The following LRMDA variants were observed in gnomAD, a reference collection of about 807,000 sequenced individuals.
LRMDA encodes leucine rich melanocyte differentiation associated, also known as leucine-rich melanocyte differentiation-associated protein.
Under a neutral mutation model 29.8 loss-of-function variants are expected in LRMDA, and 18 were observed. The ratio of observed to expected loss-of-function variants is 0.60; its 90% CI spans 0.42 to 0.90. The LOEUF (loss-of-function observed/expected upper bound fraction) is 0.90, where lower values mean the gene tolerates loss of function less well. Ranked by LOEUF, LRMDA falls within the 40% of genes least tolerant of loss-of-function variation. The pLI, the probability that LRMDA is intolerant of heterozygous loss-of-function variation, is 0.00. For synonymous variants in LRMDA, 125 were observed against 109.4 expected (o/e 1.14, Z -0.89); for missense variants, 273 against 273.9 (o/e 1.00, Z 0.02).
At chr10:76,251,251 T>C (rs1852476698) in intron 5 of LRMDA, among the ~76,000 whole-genome samples, 1 of 45,866 alleles carries the variant, frequency 2.2e-5, no homozygotes, top group Admixed American at 2.2e-4. Flanking sequence ...TTTTTTTTTT[T>C]TTTTTTTTTT....
chr10:76,074,812 T>C lies in LRMDA; in HGVS notation c.516+16029T>C, dbSNP rs1455569691. ...AAAGAATATTGGTTGAGGAGCTACA[T>C]GTATTAGTCAGGGGAAACTAACTGC... is the stretch of plus-strand genomic sequence containing the variant. On this transcript the variant is annotated intron_variant, in intron 5 of 6. Transcript: ENST00000611255. 2.6e-5 allele frequency among the ~76,000 whole-genome samples: 4 copies of C among 152,298 alleles called. No individual in the cohort carries two copies. In the East Asian group the frequency reaches 7.7e-4, roughly 29 times the overall value.
intron 2 of LRMDA, among the ~76,000 whole-genome samples, chr10:75,583,002 TC>T (rs1840613268): frequency 6.6e-6 from 1 of 152,208 alleles, no homozygotes; most frequent in African/African-American, 2.4e-5. Flanking sequence ...AATAAGTTTC[TC>T]ATTTCCACCT....
At chr10:76,275,931 T>C (rs773599313) in intron 5 of LRMDA, among the ~76,000 whole-genome samples, 4 of 152,140 alleles carry the variant, frequency 2.6e-5, no homozygotes, top group Non-Finnish European at 4.4e-5. Flanking sequence ...GGTTGGATAA[T>C]TTATTTTTAT....
chr10:76,221,624 C>G (rs1851839779), intron 5 of LRMDA, among the ~76,000 whole-genome samples: 1 of 152,158 alleles, frequency 6.6e-6, no homozygotes, highest in South Asian at 2.1e-4. Flanking sequence ...AAAGAGGATA[C>G]AAACAAATGG....
intron 5 of LRMDA, among the ~76,000 whole-genome samples, chr10:76,194,822 CA>C (rs1298739592): frequency 2.6e-5 from 4 of 152,312 alleles, no homozygotes; most frequent in South Asian, 2.1e-4. Flanking sequence ...AATACTCTAT[CA>C]AACAAAGTCA....
chr10:75,728,173 G>C (rs1842652300), intron 2 of LRMDA, among the ~76,000 whole-genome samples: 1 of 152,138 alleles, frequency 6.6e-6, no homozygotes, highest in Non-Finnish European at 1.5e-5. Flanking sequence ...TAGAAATGTT[G>C]GTTTGACTGC....
chr10:76,292,834 G>A (rs756510543), intron 5 of LRMDA, among the ~76,000 whole-genome samples: 1 of 152,038 alleles, frequency 6.6e-6, no homozygotes, highest in Non-Finnish European at 1.5e-5. Flanking sequence ...TCCCAATTGG[G>A]CATTAAGATG....
At position 75,634,412 on chromosome 10, in the gene LRMDA, C is replaced by A. The variant is rs554656256; in HGVS notation, c.131+195918C>A. On this transcript the variant is annotated intron_variant, in intron 2 of 6. Coordinates refer to ENST00000611255, the MANE Select transcript of LRMDA (RefSeq NM_001305581.2). ...AACTGGAGGTTTCACCTGCCTCCCC[C>A]CAAAATCCTTATCTCTGACTTCTTT... Among the ~76,000 whole-genome samples, 31 of 152,312 alleles carry A rather than the reference C, an allele frequency of 2.0e-4. 1 individual carries two copies. In the South Asian group the frequency reaches 6.2e-3, roughly 31 times the overall value.
At chr10:75,598,659 T>G (rs1840835487) in intron 2 of LRMDA, among the ~76,000 whole-genome samples, 1 of 152,198 alleles carries the variant, frequency 6.6e-6, no homozygotes, top group African/African-American at 2.4e-5. Context: ...TCAGATCGTC[T>G]TTGCTTGCCT....
chr10:76,477,354 G>A (rs1410047895), intron 6 of LRMDA, among the ~76,000 whole-genome samples: 1 of 151,798 alleles, frequency 6.6e-6, no homozygotes, highest in Non-Finnish European at 1.5e-5. Flanking sequence ...GGGATGTGAA[G>A]GACCTCTTCA....
chr10:75,608,564 A>C (rs1840988852), intron 2 of LRMDA, among the ~76,000 whole-genome samples: 1 of 152,222 alleles, frequency 6.6e-6, no homozygotes, highest in African/African-American at 2.4e-5. Context: ...TCAGTTCACT[A>C]ATGTACATGT....
chr10:75,864,753 C>T (rs906512196), intron 2 of LRMDA, among the ~76,000 whole-genome samples: 3 of 152,158 alleles, frequency 2.0e-5, no homozygotes, highest in Non-Finnish European at 2.9e-5. Context: ...TCTAGCAAAA[C>T]AGTTTTATCC....
At chr10:76,347,406 G>A (rs1409944924) in intron 6 of LRMDA, among the ~76,000 whole-genome samples, 1 of 152,160 alleles carries the variant, frequency 6.6e-6, no homozygotes, top group African/African-American at 2.4e-5. Flanking sequence ...TTTGGTTATA[G>A]ATTATAAATG....
intron 5 of LRMDA, among the ~76,000 whole-genome samples, chr10:76,160,278 C>A (rs1366985396): frequency 1.3e-5 from 2 of 149,192 alleles, no homozygotes; most frequent in Admixed American, 1.3e-4. Context: ...TCACATGTGT[C>A]ATTTTATCTT....
intron 5 of LRMDA, among the ~76,000 whole-genome samples, chr10:76,106,504 A>T (rs978454121): frequency 6.6e-6 from 1 of 152,154 alleles, no homozygotes; most frequent in Admixed American, 6.5e-5. Context: ...TTTTATCCTG[A>T]GTCCCTCCTG....
chr10:75,530,443 C>T (rs566979501), intron 2 of LRMDA, among the ~76,000 whole-genome samples: 3 of 152,206 alleles, frequency 2.0e-5, no homozygotes, highest in East Asian at 3.9e-4. Context: ...TGACAAGTGA[C>T]GAATGCCTGT....
intron 5 of LRMDA, among the ~76,000 whole-genome samples, chr10:76,147,349 C>T (rs1473128846): frequency 6.6e-6 from 1 of 152,140 alleles, no homozygotes; most frequent in East Asian, 1.9e-4. Context: ...GGTCTTTTCA[C>T]ATAGTCCCAT....
In LRMDA at chr10:76,208,910, T is replaced by G. The variant is rs139123499; in HGVS notation, c.517-115491T>G. ...GGCTCACACTTGTAATCCTAGCACT[T>G]TGGGAGGCCGAGGAGGGCGGATCAC... On this transcript the variant is annotated intron_variant, in intron 5 of 6. Transcript: ENST00000611255. 8.5e-3 allele frequency among the ~76,000 whole-genome samples: 1,294 copies of G among 152,194 alleles called. 21 individuals carry two copies. The highest frequency in any genetic ancestry group is 0.03 in the African/African-American group (1,226 of 41,536).
intron 2 of LRMDA, among the ~76,000 whole-genome samples, chr10:75,471,678 T>G (rs1190662782): frequency 1.3e-5 from 2 of 152,232 alleles, no homozygotes; most frequent in Non-Finnish European, 2.9e-5. Context: ...ATAATCTTTT[T>G]AAATGACTAC....
Sources: allele counts gnomAD v4.1 joint callset (sites outside exome capture counted in the v4.1 genomes callset), GRCh38; gene constraint gnomAD v4.1.1; transcripts MANE v1.5; gene names NCBI Gene and HGNC (gene_info 2026-07-23, HGNC 2026-07-21).